Variants in TLE2 observed in about 807,000 individuals in gnomAD.
TLE2 encodes transducin-like enhancer protein 2.
TLE2 carries 74 observed loss-of-function variants against 97.2 expected under a neutral mutation model. The observed-to-expected ratio is 0.76, with a 90% CI of 0.63 to 0.92. TLE2 has a LOEUF of 0.92. Ranked by LOEUF, TLE2 falls within the 40% of genes least tolerant of loss-of-function variation. The probability of loss-of-function intolerance (pLI) is 0.00; values close to 1 mark genes in which losing one functional copy is unlikely to be tolerated. For synonymous variants in TLE2, 499 were observed against 432.1 expected, an observed-to-expected ratio of 1.15 and a Z score of -1.92; for missense variants, 1,038 against 1,008.7, an observed-to-expected ratio of 1.03 and a Z score of -0.39.
chr19:3,032,941 G>T (rs202053763), upstream of TLE2, among the ~76,000 whole-genome samples: 7 of 146,190 alleles, frequency 4.8e-5, 1 homozygote, highest in Middle Eastern at 6.6e-3. The surrounding 1 kb of genome is among the most constrained non-coding windows in gnomAD (Gnocchi z 4.1). Flanking sequence ...CTTGTTGGTT[G>T]TTTTTTTTTT....
At chr19:3,045,811 G>C (rs561057860), upstream of TLE2, 1 of 398,364 alleles carries the variant, frequency 2.5e-6, no homozygotes, top group Non-Finnish European at 5.2e-6. Context: ...TGGGCAACAA[G>C]AGTGAAACTC....
chr19:3,024,947 T>A (rs2089914961), intron 5 of TLE2, 73 bp downstream of exon 5: 1 of 1,376,284 alleles, frequency 7.3e-7, no homozygotes, highest in Admixed American at 2.1e-5. Context: ...TGGGGCGTCC[T>A]CGCCCAGACC....
Position 3,029,022 on chromosome 19 carries a change from G to A in TLE2, c.-118C>T. 2.0e-6 allele frequency: 3 copies of A among 1,503,928 alleles called. No homozygotes were observed. The highest frequency in any genetic ancestry group is 2.7e-6 in the Non-Finnish European group (3 of 1,127,878). 93.2% of individuals were successfully genotyped at this position (1,503,928 alleles called of 1,614,324 possible). A position where few individuals can be genotyped will look rare whatever the true frequency, so the allele number is the denominator to read the frequency against. On this transcript the variant is annotated 5_prime_UTR_variant, in exon 1 of 20. Transcript: ENST00000262953. Reference sequence around the variant, plus strand: ...GCTGCCCGAAGAAAGAGGGAGGAGGGAGAAGCGGCGCGGGGCAAGGGACCC... The same window carrying A: ...GCTGCCCGAAGAAAGAGGGAGGAGGAAGAAGCGGCGCGGGGCAAGGGACCC...
chr19:3,039,340 A>G (rs146246666), intron 1 of TLE2, among the ~76,000 whole-genome samples: 3 of 151,550 alleles, frequency 2.0e-5, no homozygotes, highest in Non-Finnish European at 4.4e-5. Context: ...TGTCTATGTG[A>G]TCTGACTTCC....
At chr19:3,013,851 G>A (rs2089647249) in intron 10 of TLE2, 33 bp from the exon 11 acceptor site, 1 of 1,469,048 alleles carries the variant, frequency 6.8e-7, no homozygotes, top group Non-Finnish European at 9.0e-7. Context: ...GAGCAGAGTT[G>A]AAATGAGAGG....
At chr19:3,006,384 C>A (rs1555690295) in intron 15 of TLE2, 36 bp downstream of exon 15, 6 of 1,597,878 alleles carry the variant, frequency 3.8e-6, no homozygotes, top group Non-Finnish European at 4.3e-6. Context: ...CACCCCTCAC[C>A]TGTGAGTCCC....
chr19:3,045,677 C>CA, intron 1 of TLE2: 1 of 413,318 alleles, frequency 2.4e-6, no homozygotes, highest in Non-Finnish European at 5.0e-6. Context: ...ACTAAAAATA[C>CA]AAAATTAACC....
chr19:3,010,796 C>T (rs921440544), intron 12 of TLE2, among the ~76,000 whole-genome samples: 1 of 152,124 alleles, frequency 6.6e-6, no homozygotes, highest in Non-Finnish European at 1.5e-5. Flanking sequence ...CTGAAACCCC[C>T]GACTAAGCCG....
rs766589331 is a variant in TLE2, at chr19:3,019,750, G to A, written c.318C>T (p.Ala106=). The A allele has an allele frequency of 1.4e-5, 22 of 1,613,182 alleles. No homozygotes were observed. Among genetic ancestry groups the A allele is most frequent in the African/African-American group, 2.7e-5 (2 of 75,044 alleles). Residue 106 remains alanine, a synonymous_variant, in exon 6 of 20, where the codon GCC becomes GCT. Transcript: ENST00000262953. This position sits in a 1 kb window ranked among gnomAD's most constrained non-coding sequence, Gnocchi z 5.1. ...TQEHQQQVLQ[A]VERAKQVTVG... is the part of the protein sequence containing the mutation. Reference sequence around the variant, plus strand: ...CGGTGACCTGCTTGGCGCGTTCTACGGCCTGGAGCACCTGCTGCTGATGCT... The same window carrying A: ...CGGTGACCTGCTTGGCGCGTTCTACAGCCTGGAGCACCTGCTGCTGATGCT...
chr19:3,039,195 G>C (rs965559529), intron 1 of TLE2, among the ~76,000 whole-genome samples: 2 of 121,624 alleles, frequency 1.6e-5, no homozygotes, highest in African/African-American at 6.3e-5. Context: ...GGCTGGCCAA[G>C]AAGAGCAAAA....
At chr19:3,015,936 C>T (rs1272149810) in intron 8 of TLE2, 176 bp from the exon 9 acceptor site, 7 of 692,466 alleles carry the variant, frequency 1.0e-5, no homozygotes, top group Admixed American at 4.0e-5. Flanking sequence ...TTTGTTCTCT[C>T]TTCTGTTTTG....
rs965679808 is a variant in TLE2, at chr19:3,006,609, A to T, written c.1311T>A (p.Asp437Glu). 3 of 1,610,638 alleles carry T rather than the reference A, an allele frequency of 1.9e-6. No homozygotes were observed. Among genetic ancestry groups the T allele is most frequent in the Non-Finnish European group, 2.5e-6 (3 of 1,178,616 alleles). The change falls in exon 15 of 20, where the codon GAT (aspartate) becomes GAA (glutamate). Residue 437 changes from aspartate (D) to glutamate (E), a missense_variant. Transcript: ENST00000262953. Reference sequence around the variant, plus strand: ...GCGGGATGCCCGCGCCTACCAGTGCATCCGAGGGGAAGGGAACCGGCTGCA... The same window carrying T: ...GCGGGATGCCCGCGCCTACCAGTGCTTCCGAGGGGAAGGGAACCGGCTGCA... Reference protein sequence around the residue: ...GQMQPVPFPSDALVGAGIPRH... With the variant: ...GQMQPVPFPSEALVGAGIPRH...
chr19:3,039,062 A>T (rs533615184), intron 1 of TLE2, among the ~76,000 whole-genome samples: 1,608 of 89,368 alleles, frequency 0.018, 35 homozygotes, highest in African/African-American at 0.099. Context: ...AATAAAAATT[A>T]AAAAAAAAAA....
intron 19 of TLE2, among the ~76,000 whole-genome samples, chr19:2,998,702 C>A (rs907269933): frequency 6.6e-6 from 1 of 152,202 alleles, no homozygotes; most frequent in Non-Finnish European, 1.5e-5. Flanking sequence ...CGTGAGCCAC[C>A]GCGCCCGGCA....
At chr19:3,016,575 G>A (rs2089710708) in intron 8 of TLE2, among the ~76,000 whole-genome samples, 1 of 134,420 alleles carries the variant, frequency 7.4e-6, no homozygotes, top group Non-Finnish European at 1.6e-5. Context: ...GGGCGACAGG[G>A]CAAGACTCAG....
chr19:3,020,784 G>A (rs150980221), intron 5 of TLE2, among the ~76,000 whole-genome samples: 128 of 152,124 alleles, frequency 8.4e-4, no homozygotes, highest in African/African-American at 3.0e-3. Flanking sequence ...GGACTCTGCT[G>A]CGAGAAAATG....
At position 2,997,900 on chromosome 19, in the gene TLE2, A is replaced by G. The variant is rs1722714660; in HGVS notation, c.2180T>C (p.Ile727Thr). The change falls in exon 20 of 20, where the codon ATC (isoleucine) becomes ACC (threonine). Residue 727 changes from isoleucine to threonine, a missense_variant. Transcript: ENST00000262953. ...CTTCTTGTCCCCCGAGCCTGTCACG[A>G]TGTATTTGTTATTTCTGGAGATGTC... ...SCDISRNNKY[I>T]VTGSGDKKAT... The G allele has an allele frequency of 6.2e-7, 1 of 1,612,932 alleles. No individual in the cohort carries two copies. The highest frequency in any genetic ancestry group is 1.3e-5 in the African/African-American group (1 of 74,832).
intron 18 of TLE2, among the ~76,000 whole-genome samples, chr19:3,001,109 C>T (rs1340260198): frequency 6.6e-6 from 1 of 151,982 alleles, no homozygotes; most frequent in African/African-American, 2.4e-5. Flanking sequence ...CCCTTCTCTA[C>T]TAAAAATACA....
intron 1 of TLE2, among the ~76,000 whole-genome samples, chr19:3,039,457 G>A (rs1213840614): frequency 6.6e-6 from 1 of 152,000 alleles, no homozygotes; most frequent in African/African-American, 2.4e-5. Flanking sequence ...CCTCTGCACT[G>A]CATTGGTTGT....
Sources: gnomAD v4.1 joint callset for allele counts (sites outside exome capture counted in the v4.1 genomes callset) on GRCh38, gnomAD v4.1.1 for gene constraint, Gnocchi (gnomAD v3.1) non-coding constraint, MANE v1.5 for transcripts, NCBI Gene and HGNC (gene_info 2026-07-23, HGNC 2026-07-21) for gene names.